The following FADS1 variants were observed in gnomAD, a reference collection of about 807,000 sequenced individuals.
The protein encoded by FADS1 is fatty acid desaturase 1.
A neutral mutation model predicts 61.6 loss-of-function variants in FADS1; 17 were observed. The observed-to-expected ratio is 0.28, with a 90% CI of 0.19 to 0.41. FADS1 has a LOEUF of 0.41. FADS1 is among the 10% of genes least tolerant of loss of function. The pLI is 1.00. For synonymous variants in FADS1, 238 were observed against 258.7 expected (o/e 0.92, Z 0.77); for missense variants, 387 against 650.9 (o/e 0.59, Z 4.41).
chr11:61,804,734 TAGAG>T lies in FADS1; in HGVS notation c.1000_1003del (p.Leu334ThrfsTer22), dbSNP rs772028583. 1 of 1,613,818 alleles carries T rather than the reference TAGAG, an allele frequency of 6.2e-7. No homozygotes were observed. Among genetic ancestry groups the T allele is most frequent in the East Asian group, 2.2e-5 (1 of 44,874 alleles). ...AAAATAGAAAATATACCACTGGAAG[TAGAG>T]AGGCAGCAAGGCTGGGGGCCCAACT... On this transcript the variant is annotated frameshift_variant, in exon 7 of 12. Transcript: ENST00000350997. LOFTEE classifies it high-confidence loss of function.
intron 3 of FADS1, chr11:61,812,100 G>C (rs1223889096): frequency 6.0e-6 from 2 of 332,342 alleles, no homozygotes; most frequent in Non-Finnish European, 1.2e-5. Context: ...GGTCCTGACA[G>C]TCAAGAATTA....
In FADS1 at chr11:61,802,458, G is replaced by A; in HGVS notation, c.1459C>T (p.Leu487=). The part of the protein sequence containing the change: ...LSAFADIIHS[L]KESGQLWLDA... ...AGCCAGAGCTGCCCTGACTCCTTTA[G>A]TGAGCTGCAGGGACAAAATGGGGGC... The change falls in exon 12 of 12, where the codon CTA becomes TTA. Residue 487 remains leucine (L), a synonymous_variant. Transcript: ENST00000350997. The surrounding 1 kb of genome is among the most constrained non-coding windows in gnomAD (Gnocchi z 4.2). 1.3e-6 allele frequency: 2 copies of A among 1,563,576 alleles called. No individual in the cohort carries two copies. The highest frequency in any genetic ancestry group is 1.7e-6 in the Non-Finnish European group (2 of 1,152,864).
intron 6 of FADS1, 129 bp from the exon 7 acceptor site, chr11:61,804,890 A>G: frequency 1.3e-6 from 1 of 757,426 alleles, no homozygotes; most frequent in Admixed American, 2.2e-5. Flanking sequence ...TCTCCCCTCC[A>G]GGTGCTTGAG....
chr11:61,813,628 A>C, intron 1 of FADS1: 1 of 380,906 alleles, frequency 2.6e-6, no homozygotes. Context: ...GCTCTATAAA[A>C]TGGACAAATC....
rs568837322 is a variant in FADS1 at position 61,813,940 on chromosome 11, G to A, written c.376-587C>T. On this transcript the variant is annotated intron_variant, in intron 1 of 11. Coordinates refer to ENST00000350997, the MANE Select transcript of FADS1 (RefSeq NM_013402.7). ...GCCGAGATCGCGCCACTGCACTCCA[G>A]CCTGGGCGACAGGGAGACTCCGTCT... is the stretch of plus-strand genomic sequence containing the variant. Among the ~76,000 whole-genome samples the A allele has an allele frequency of 3.6e-3, 513 of 143,134 alleles. 1 individual carries two copies. The highest frequency in any genetic ancestry group is 6.2e-3 in the Non-Finnish European group (414 of 66,518). 93.9% of individuals were successfully genotyped at this position (143,134 alleles called of 152,430 possible).
intron 7 of FADS1, chr11:61,804,141 T>A (rs1325251637): frequency 7.9e-6 from 2 of 253,864 alleles, no homozygotes; most frequent in African/African-American, 4.5e-5. Context: ...ACTCTTCCCC[T>A]GACACTAGTC....
In FADS1 at chr11:61,803,284, T is replaced by A. The variant is rs2066870253; in HGVS notation, c.1248+79A>T. 1 of 1,369,216 alleles carries A rather than the reference T, an allele frequency of 7.3e-7. No homozygotes were observed. The highest frequency in any genetic ancestry group is 1.0e-6 in the Non-Finnish European group (1 of 956,968). The allele number at this position is 1,369,216 out of a possible 1,614,324, so 84.8% of individuals were successfully genotyped here. A position where few individuals can be genotyped will look rare whatever the true frequency, so the allele number is the denominator to read the frequency against. On this transcript the variant is annotated intron_variant, in intron 9 of 11. Coordinates refer to ENST00000350997, the MANE Select transcript of FADS1 (RefSeq NM_013402.7). The surrounding 1 kb of genome is among the most constrained non-coding windows in gnomAD (Gnocchi z 4.3). ...TGAGAAAATGCTGTTTGGGGGACTT[T>A]TTGTTTTTGCTGTTTTCACCTACGC...
intron 7 of FADS1, 84 bp downstream of exon 7, chr11:61,804,601 C>A: frequency 9.1e-7 from 1 of 1,101,148 alleles, no homozygotes; most frequent in Non-Finnish European, 1.4e-6. Context: ...TAGAGTCAGT[C>A]TCAAGTTTCC....
chr11:61,801,743 C>G lies in FADS1; in HGVS notation c.*668G>C, dbSNP rs2066856809. Reference sequence around the variant, plus strand: ...CTGAGTTGTGCTGGATCTCAGAATTCTAAGCATTAATGTTTCCTTGCTGTT... The same window carrying G: ...CTGAGTTGTGCTGGATCTCAGAATTGTAAGCATTAATGTTTCCTTGCTGTT... On this transcript the variant is annotated 3_prime_UTR_variant, in exon 12 of 12. Coordinates refer to ENST00000350997, the MANE Select transcript of FADS1 (RefSeq NM_013402.7). 1 of 152,664 alleles carries G rather than the reference C, an allele frequency of 6.6e-6. No homozygotes were observed. The highest frequency in any genetic ancestry group is 2.1e-4 in the South Asian group (1 of 4,848). The allele number at this position is 152,664 out of a possible 1,614,324, so 9.5% of individuals were successfully genotyped here. A position where few individuals can be genotyped will look rare whatever the true frequency, so the allele number is the denominator to read the frequency against.
chr11:61,813,947 C>T (rs1255153787), intron 1 of FADS1, among the ~76,000 whole-genome samples: 51 of 135,970 alleles, frequency 3.8e-4, no homozygotes, highest in Admixed American at 3.2e-4. Context: ...CCAGCCTGGG[C>T]GACAGGGAGA....
rs1033724611 is a variant in FADS1, at chr11:61,804,838, T to C, written c.977-77A>G. 1.4e-5 allele frequency: 18 copies of C among 1,269,984 alleles called. No individual in the cohort carries two copies. The African/African-American group carries it at 1.9e-4, about 13-fold the overall frequency. The allele number at this position is 1,269,984 out of a possible 1,614,324, so 78.7% of individuals were successfully genotyped here. ...AAGGGCCAGTTGATGTTGGGAGAGA[T>C]GGCCTCTAGCAGGGGGCTGCCTCTT... On this transcript the variant is annotated intron_variant, in intron 6 of 11. Transcript: ENST00000350997.
rs2135944296 is a variant in FADS1, at chr11:61,816,965, T to C, written c.-36A>G. On this transcript the variant is annotated 5_prime_UTR_variant, in exon 1 of 12. Transcript: ENST00000350997. The surrounding 1 kb of genome is among the most constrained non-coding windows in gnomAD (Gnocchi z 7.0). ...TCGTGGCGCGGGGAGCGAGATCCCG[T>C]CCCCCGGTGGGTCTTGGGCAACTCA... 3.6e-6 allele frequency: 5 copies of C among 1,370,698 alleles called. No homozygotes were observed. Among genetic ancestry groups the C allele is most frequent in the Non-Finnish European group, 4.7e-6 (5 of 1,070,038 alleles). The allele number at this position is 1,370,698 out of a possible 1,614,324, so 84.9% of individuals were successfully genotyped here. A position where few individuals can be genotyped will look rare whatever the true frequency, so the allele number is the denominator to read the frequency against.
chr11:61,816,192 A>G lies in FADS1; in HGVS notation c.375+363T>C. ...CTGGCCACTGACCCCCTCCCTCCCC[A>G]GGCGGCCTGCATCCTTGCTCTCCTC... is the stretch of plus-strand genomic sequence containing the variant. On this transcript the variant is annotated intron_variant, in intron 1 of 11. Coordinates refer to ENST00000350997, the MANE Select transcript of FADS1 (RefSeq NM_013402.7). This position sits in a 1 kb window ranked among gnomAD's most constrained non-coding sequence, Gnocchi z 7.0. 6.8e-7 allele frequency: 1 copy of G among 1,464,616 alleles called. No homozygotes were observed. Among genetic ancestry groups the G allele is most frequent in the Non-Finnish European group, 9.2e-7 (1 of 1,083,814 alleles). The allele number at this position is 1,464,616 out of a possible 1,614,324, so 90.7% of individuals were successfully genotyped here.
At chr11:61,810,531 C>T (rs1425122023) in intron 5 of FADS1, among the ~76,000 whole-genome samples, 1 of 152,154 alleles carries the variant, frequency 6.6e-6, no homozygotes, top group Admixed American at 6.5e-5. Context: ...TATGCAGTAA[C>T]GGTTTGCTGA....
chr11:61,806,908 C>T (rs956575752), intron 5 of FADS1, among the ~76,000 whole-genome samples, 184 bp from the exon 6 acceptor site: 1 of 152,332 alleles, frequency 6.6e-6, no homozygotes, highest in Admixed American at 6.5e-5. Context: ...AGACTGTAAT[C>T]TGCAGAGTGT....
In FADS1 at chr11:61,816,328, T is replaced by A. The variant is rs1272891952; in HGVS notation, c.375+227A>T. 4 of 1,598,358 alleles carry A rather than the reference T, an allele frequency of 2.5e-6. No homozygotes were observed. In the South Asian group the frequency reaches 4.4e-5, roughly 18 times the overall value. ...GGGACCCTTTGTTTGTGTGTGCGTG[T>A]TGTTGGCCTCCATCCCCACTCCCCA... On this transcript the variant is annotated intron_variant, in intron 1 of 11. Coordinates refer to ENST00000350997, the MANE Select transcript of FADS1 (RefSeq NM_013402.7). The surrounding 1 kb of genome is among the most constrained non-coding windows in gnomAD (Gnocchi z 7.0).
At position 61,804,512 on chromosome 11, in the gene FADS1, C is replaced by G. The variant is rs970058056; in HGVS notation, c.1053+173G>C. The G allele has an allele frequency of 1.0e-5, 6 of 586,276 alleles. No homozygotes were observed. In the Admixed American group the frequency reaches 1.6e-4, roughly 15 times the overall value. 36.3% of individuals were successfully genotyped at this position (586,276 alleles called of 1,614,324 possible). A position where few individuals can be genotyped will look rare whatever the true frequency, so the allele number is the denominator to read the frequency against. On this transcript the variant is annotated intron_variant, in intron 7 of 11. Transcript: ENST00000350997. ...TACACATTGGGAATCAGGCTGCCTGCTAAGCTCAAATCATTTCGTCCCACT... is the reference window on the plus strand; with the variant it reads ...TACACATTGGGAATCAGGCTGCCTGGTAAGCTCAAATCATTTCGTCCCACT...
intron 5 of FADS1, among the ~76,000 whole-genome samples, chr11:61,808,823 C>A (rs551795577): frequency 6.6e-6 from 1 of 152,342 alleles, no homozygotes; most frequent in Non-Finnish European, 1.5e-5. Flanking sequence ...ATTGGCTTCA[C>A]CTGCTCCTCC....
At chr11:61,810,408 A>G (rs558971961) in intron 5 of FADS1, among the ~76,000 whole-genome samples, 8 of 152,198 alleles carry the variant, frequency 5.3e-5, no homozygotes, top group Admixed American at 5.2e-4. Context: ...CTGGGGCAAG[A>G]GTGTCAAAAA....
Sources: allele counts gnomAD v4.1 joint callset (sites outside exome capture counted in the v4.1 genomes callset), GRCh38; gene constraint gnomAD v4.1.1; non-coding constraint Gnocchi (gnomAD v3.1); transcripts MANE v1.5; gene names NCBI Gene and HGNC (gene_info 2026-07-23, HGNC 2026-07-21).